The following CDH9 variants were observed in gnomAD, a reference collection of about 807,000 sequenced individuals.
CDH9 encodes cadherin-9.
In CDH9, 28 loss-of-function variants were observed where a neutral mutation model predicts 70.9. That is an observed-to-expected ratio of 0.40 (90% CI 0.29 to 0.54). The LOEUF is 0.54. Ranked by LOEUF, CDH9 falls within the 20% of genes least tolerant of loss-of-function variation. The probability of loss-of-function intolerance (pLI) is 0.59; values close to 1 mark genes in which losing one functional copy is unlikely to be tolerated. For synonymous variants in CDH9, 409 were observed against 343.1 expected, an observed-to-expected ratio of 1.19 and a Z score of -2.12; for missense variants, 874 against 984.4, an observed-to-expected ratio of 0.89 and a Z score of 1.50.
At chr5:26,989,316 G>A (rs923444184) in intron 1 of CDH9, among the ~76,000 whole-genome samples, 2 of 152,016 alleles carry the variant, frequency 1.3e-5, no homozygotes, top group African/African-American at 4.8e-5. Flanking sequence ...GAAGATGTGA[G>A]ATGATAATGG....
intron 2 of CDH9, among the ~76,000 whole-genome samples, chr5:26,933,744 C>T (rs10059346): frequency 0.096 from 14,529 of 151,432 alleles, 876 homozygotes; most frequent in East Asian, 0.17. Flanking sequence ...CAAGCCACTG[C>T]ACTCCAGCCA....
At chr5:26,960,245 C>T (rs1742012128) in intron 2 of CDH9, among the ~76,000 whole-genome samples, 1 of 151,920 alleles carries the variant, frequency 6.6e-6, no homozygotes, top group South Asian at 2.1e-4. Context: ...ATGATCAATG[C>T]TGGTCATGTT....
At chr5:26,898,618 A>G (rs1740795868) in intron 7 of CDH9, among the ~76,000 whole-genome samples, 1 of 152,200 alleles carries the variant, frequency 6.6e-6, no homozygotes, top group Non-Finnish European at 1.5e-5. Flanking sequence ...GGCTAGCCAT[A>G]TGCGGAAAAC....
At chr5:26,985,441 A>C (rs2112088714) in intron 2 of CDH9, among the ~76,000 whole-genome samples, 1 of 152,220 alleles carries the variant, frequency 6.6e-6, no homozygotes, top group African/African-American at 2.4e-5. Context: ...AAATCTTATA[A>C]GTTGCATGTT....
intron 1 of CDH9, among the ~76,000 whole-genome samples, chr5:27,011,820 A>T (rs1482236749): frequency 6.6e-6 from 1 of 152,014 alleles, no homozygotes; most frequent in Non-Finnish European, 1.5e-5. Flanking sequence ...TGTGCTACTT[A>T]GTAGTTGTGT....
At chr5:26,915,544 C>A (rs775570516) in intron 3 of CDH9, 86 bp downstream of exon 3, 2 of 765,668 alleles carry the variant, frequency 2.6e-6, no homozygotes, top group Non-Finnish European at 4.5e-6. Context: ...CTGAAAGAGG[C>A]CACATATCAT....
intron 3 of CDH9, among the ~76,000 whole-genome samples, chr5:26,909,775 A>T (rs1403688086): frequency 6.6e-6 from 1 of 151,994 alleles, no homozygotes; most frequent in African/African-American, 2.4e-5. Context: ...CTCATTATTT[A>T]CTTAACTGTA....
chr5:27,036,445 G>A (rs1743393828), intron 1 of CDH9, among the ~76,000 whole-genome samples: 1 of 151,876 alleles, frequency 6.6e-6, no homozygotes, highest in Non-Finnish European at 1.5e-5. Context: ...AGTGGTATGA[G>A]ACATTTTTAT....
chr5:26,916,763 G>C (rs556669155), intron 2 of CDH9, among the ~76,000 whole-genome samples: 1 of 148,794 alleles, frequency 6.7e-6, no homozygotes, highest in East Asian at 2.0e-4. Context: ...TAATCAGAGA[G>C]AGAAAGAGAT....
At chr5:27,025,715 T>C (rs961562828) in intron 1 of CDH9, among the ~76,000 whole-genome samples, 2 of 152,030 alleles carry the variant, frequency 1.3e-5, no homozygotes, top group African/African-American at 2.4e-5. Context: ...AGGGAAGGAC[T>C]TGACCTTTGG....
At chr5:27,037,116 T>C (rs747269123) in intron 1 of CDH9, among the ~76,000 whole-genome samples, 1 of 151,962 alleles carries the variant, frequency 6.6e-6, no homozygotes, top group Non-Finnish European at 1.5e-5. Context: ...AAATTGAGAA[T>C]CTTGAATAAT....
intron 2 of CDH9, among the ~76,000 whole-genome samples, chr5:26,938,103 CTT>C (rs1223754493): frequency 6.6e-6 from 1 of 150,924 alleles, no homozygotes; most frequent in East Asian, 2.0e-4. Flanking sequence ...TATAGAAACT[CTT>C]TGTATTTCCT....
intron 2 of CDH9, 76 bp from the exon 3 acceptor site, chr5:26,916,000 A>T (rs1190583280): frequency 2.1e-6 from 2 of 965,274 alleles, no homozygotes; most frequent in Admixed American, 4.7e-5. Flanking sequence ...TGGCGCTATC[A>T]ATTCGTCTCC....
intron 3 of CDH9, among the ~76,000 whole-genome samples, chr5:26,910,451 A>T (rs969670899): frequency 6.6e-6 from 1 of 152,324 alleles, no homozygotes; most frequent in African/African-American, 2.4e-5. Context: ...GAAAATATGT[A>T]TCACAGCCTA....
At chr5:26,897,099 C>A (rs1323084857) in intron 7 of CDH9, among the ~76,000 whole-genome samples, 2 of 152,024 alleles carry the variant, frequency 1.3e-5, no homozygotes, top group Non-Finnish European at 2.9e-5. Context: ...GACACATACA[C>A]CCTCCAAAGA....
chr5:26,977,483 G>GTGTGTATATATATATATA (rs1742320770), intron 2 of CDH9, among the ~76,000 whole-genome samples: 4 of 141,518 alleles, frequency 2.8e-5, no homozygotes, highest in African/African-American at 1.2e-4. Context: ...GTGTGTGTGT[G>GTGTGTATATATATATATA]TGTATATATA....
intron 2 of CDH9, among the ~76,000 whole-genome samples, chr5:26,952,467 A>AC (rs1167780394): frequency 7.9e-6 from 1 of 127,252 alleles, no homozygotes; most frequent in Non-Finnish European, 1.7e-5. Context: ...ACAAAAAAAA[A>AC]AAAAAAAAAA....
intron 2 of CDH9, among the ~76,000 whole-genome samples, chr5:26,925,725 T>A (rs1741325205): frequency 6.6e-6 from 1 of 152,154 alleles, no homozygotes; most frequent in Non-Finnish European, 1.5e-5. Flanking sequence ...TTAATTTTTG[T>A]ATAAGGTGTA....
At chr5:26,887,808 G>GAAAT (rs1740590440) in intron 9 of CDH9, among the ~76,000 whole-genome samples, 1 of 152,096 alleles carries the variant, frequency 6.6e-6, no homozygotes, top group Non-Finnish European at 1.5e-5. Context: ...AGAATGCCAT[G>GAAAT]AAATGATGGA....
Sources: gnomAD v4.1 joint callset for allele counts (sites outside exome capture counted in the v4.1 genomes callset) on GRCh38, gnomAD v4.1.1 for gene constraint, MANE v1.5 for transcripts, NCBI Gene and HGNC (gene_info 2026-07-23, HGNC 2026-07-21) for gene names.